The following TMEM268 variants were observed in gnomAD, a reference collection of about 807,000 sequenced individuals.
The protein encoded by TMEM268 is transmembrane protein C9orf91.
TMEM268 carries 24 observed loss-of-function variants against 39.1 expected under a neutral mutation model. The ratio of observed to expected loss-of-function variants is 0.61; its 90% CI spans 0.44 to 0.86. The LOEUF (loss-of-function observed/expected upper bound fraction) is 0.86, where lower values mean the gene tolerates loss of function less well. Among genes scored for constraint, TMEM268 ranks in the 40% least tolerant of loss-of-function variants. The pLI, the probability that TMEM268 is intolerant of heterozygous loss-of-function variation, is 0.00. For synonymous variants in TMEM268, 176 were observed against 173.5 expected, an observed-to-expected ratio of 1.01 and a Z score of -0.12; for missense variants, 409 against 428.6, an observed-to-expected ratio of 0.95 and a Z score of 0.40.
chr9:114,610,116 C>T (rs577477413), upstream of TMEM268, among the ~76,000 whole-genome samples: 1 of 151,946 alleles, frequency 6.6e-6, no homozygotes, highest in Non-Finnish European at 1.5e-5. Flanking sequence ...CTCGGCTCAC[C>T]GCAACCTCCA....
intron 2 of TMEM268, among the ~76,000 whole-genome samples, chr9:114,619,099 G>A (rs1845845425): frequency 1.3e-5 from 2 of 152,212 alleles, no homozygotes; most frequent in Non-Finnish European, 2.9e-5. Context: ...TTTGTTACTA[G>A]TGTTGTTAGG....
chr9:114,620,454 G>T (rs373709041), intron 2 of TMEM268, among the ~76,000 whole-genome samples: 40 of 151,944 alleles, frequency 2.6e-4, no homozygotes, highest in African/African-American at 9.4e-4. Flanking sequence ...TCACCATGTT[G>T]CCCGGGTTGA....
In TMEM268 at chr9:114,628,256, A is replaced by C. The variant is rs563856909; in HGVS notation, c.474+6A>C. On this transcript the variant is annotated splice_donor_region_variant and intron_variant, in intron 5 of 8. Coordinates refer to ENST00000288502, the MANE Select transcript of TMEM268 (RefSeq NM_153045.4). ...TTGAAAGACACCAGAAGAAGGTGAG[A>C]TGTCTGGAGATCCCTGCCACACTCT... 6.2e-6 allele frequency: 10 copies of C among 1,612,852 alleles called. No individual in the cohort carries two copies. The highest frequency in any genetic ancestry group is 5.4e-5 in the African/African-American group (4 of 74,234).
At position 114,644,805 on chromosome 9, in the gene TMEM268, T is replaced by A. The variant is rs902299735; in HGVS notation, c.*1492T>A. On this transcript the variant is annotated 3_prime_UTR_variant, in exon 9 of 9. Transcript: ENST00000288502. ...AATGGGTGGATTGGATGATTTTTTTTTTTTTAATTGAGATGGAGTCTTGCA... is the reference window on the plus strand; with the variant it reads ...AATGGGTGGATTGGATGATTTTTTTATTTTTAATTGAGATGGAGTCTTGCA... 2.6e-5 allele frequency: 4 copies of A among 152,030 alleles called. No homozygotes were observed. The highest frequency in any genetic ancestry group is 4.4e-5 in the Non-Finnish European group (3 of 68,008). The allele number at this position is 152,030 out of a possible 1,614,324, so 9.4% of individuals were successfully genotyped here. A position where few individuals can be genotyped will look rare whatever the true frequency, so the allele number is the denominator to read the frequency against.
upstream of TMEM268, among the ~76,000 whole-genome samples, chr9:114,609,707 GAAAAAGAAAAAGAAAAA>G (rs1384715682): frequency 1.2e-5 from 1 of 84,654 alleles, no homozygotes; most frequent in East Asian, 3.2e-4. Flanking sequence ...AAAAGAAAAA[GAAAAAGAAAAAGAAAAA>G]GAAAAAGAAG....
the TMEM268 span, among the ~76,000 whole-genome samples, chr9:114,604,365 GC>G: frequency 6.6e-6 from 1 of 151,600 alleles, no homozygotes. Flanking sequence ...ATCATTTGAG[GC>G]CAGGAGTTCG....
chr9:114,613,939 T>G (rs76008957), intron 1 of TMEM268, among the ~76,000 whole-genome samples: 3,682 of 152,260 alleles, frequency 0.024, 79 homozygotes, highest in East Asian at 0.08. Flanking sequence ...TTTACATCTT[T>G]GACCTGCGGT....
intron 2 of TMEM268, among the ~76,000 whole-genome samples, chr9:114,623,020 G>A (rs547270520): frequency 2.0e-5 from 3 of 152,092 alleles, no homozygotes; most frequent in African/African-American, 4.8e-5. Context: ...AACCTGGGAG[G>A]TGGAGATTGT....
At chr9:114,637,591 G>A (rs1846700344) in intron 7 of TMEM268, among the ~76,000 whole-genome samples, 1 of 152,118 alleles carries the variant, frequency 6.6e-6, no homozygotes, top group Admixed American at 6.5e-5. Context: ...ACCACGCCCG[G>A]CCATATATTT....
rs1827476612 is a variant in TMEM268 at position 114,644,175 on chromosome 9, T to C, written c.*862T>C. On this transcript the variant is annotated 3_prime_UTR_variant, in exon 9 of 9. Transcript: ENST00000288502. ...GCTCAGAGGCTTCCAAGTGATCTGC[T>C]CCTGAACAAGTTTGAAGACCTATTG... 1 of 152,362 alleles carries C rather than the reference T, an allele frequency of 6.6e-6. No individual in the cohort carries two copies. Among genetic ancestry groups the C allele is most frequent in the Non-Finnish European group, 1.5e-5 (1 of 68,050 alleles). 9.4% of individuals were successfully genotyped at this position (152,362 alleles called of 1,614,324 possible).
In TMEM268 at chr9:114,643,182, C is replaced by G; in HGVS notation, c.898C>G (p.Leu300Val). Residue 300 changes from leucine to valine, a missense_variant, in exon 9 of 9, where the codon CTT becomes GTT. Transcript: ENST00000288502. ...AGTGTTTGGCGGCTACTACATCCGG[C>G]TTCTAGTGACCTCCCAGCTCCCTCA... is the stretch of plus-strand genomic sequence containing the variant. ...LAVFGGYYIR[L>V]LVTSQLPQAM... is the part of the protein sequence containing the mutation. The G allele has an allele frequency of 6.2e-7, 1 of 1,614,202 alleles. No individual in the cohort carries two copies. Among genetic ancestry groups the G allele is most frequent in the Non-Finnish European group, 8.5e-7 (1 of 1,180,024 alleles).
intron 4 of TMEM268, among the ~76,000 whole-genome samples, chr9:114,627,700 C>T (rs908131227): frequency 8.6e-5 from 13 of 152,040 alleles, no homozygotes; most frequent in Admixed American, 2.0e-4. Context: ...ATTACAATGC[C>T]GTGAAATAGG....
chr9:114,625,429 A>T (rs1846114860), intron 3 of TMEM268, among the ~76,000 whole-genome samples: 1 of 145,602 alleles, frequency 6.9e-6, no homozygotes. Flanking sequence ...AGATTTTAGA[A>T]TTTACTTCTT....
At chr9:114,610,959 CGCCTG>C (rs1845462506), upstream of TMEM268, among the ~76,000 whole-genome samples, 1 of 152,182 alleles carries the variant, frequency 6.6e-6, no homozygotes, top group Non-Finnish European at 1.5e-5. Context: ...CGGTGGCTCA[CGCCTG>C]TAATCCCAAC....
intron 6 of TMEM268, among the ~76,000 whole-genome samples, 178 bp from the exon 7 acceptor site, chr9:114,636,812 C>G (rs1846656917): frequency 6.6e-6 from 1 of 152,082 alleles, no homozygotes; most frequent in South Asian, 2.1e-4. Flanking sequence ...AGGGTTTGAC[C>G]TTTTCTAAAC....
chr9:114,615,184 A>G (rs2133592444), intron 1 of TMEM268, among the ~76,000 whole-genome samples: 2 of 152,278 alleles, frequency 1.3e-5, no homozygotes, highest in East Asian at 3.9e-4. Flanking sequence ...GGCGTGAGCC[A>G]CCGTGCTGGG....
chr9:114,627,100 C>A, intron 4 of TMEM268, 94 bp downstream of exon 4: 1 of 920,304 alleles, frequency 1.1e-6, no homozygotes, highest in Non-Finnish European at 1.7e-6. Context: ...TGGTGTGGGT[C>A]AGGGGCTTGG....
intron 5 of TMEM268, among the ~76,000 whole-genome samples, chr9:114,630,271 T>TAC (rs1846336343): frequency 1.8e-5 from 1 of 54,084 alleles, no homozygotes; most frequent in Non-Finnish European, 4.0e-5. Flanking sequence ...GTTCCAACAA[T>TAC]ATATATCTAT....
rs1687377864 is a variant in TMEM268, at chr9:114,645,935, T to C, written c.*2622T>C. 1 of 152,152 alleles carries C rather than the reference T, an allele frequency of 6.6e-6. No individual in the cohort carries two copies. Among genetic ancestry groups the C allele is most frequent in the Non-Finnish European group, 1.5e-5 (1 of 68,042 alleles). The allele number at this position is 152,152 out of a possible 1,614,324, so 9.4% of individuals were successfully genotyped here. A position where few individuals can be genotyped will look rare whatever the true frequency, so the allele number is the denominator to read the frequency against. On this transcript the variant is annotated 3_prime_UTR_variant, in exon 9 of 9. Coordinates refer to ENST00000288502, the MANE Select transcript of TMEM268 (RefSeq NM_153045.4). ...CGCATACTACACACAGGAATGCTCA[T>C]CAGTTTTTAAATTTTATTTAATTTT...
Sources: allele counts gnomAD v4.1 joint callset (sites outside exome capture counted in the v4.1 genomes callset), GRCh38; gene constraint gnomAD v4.1.1; transcripts MANE v1.5; gene names NCBI Gene and HGNC (gene_info 2026-07-23, HGNC 2026-07-21).